Variants in CREB3L1 observed in about 807,000 individuals in gnomAD.
CREB3L1 encodes cyclic AMP-responsive element-binding protein 3-like protein 1.
CREB3L1 carries 33 observed loss-of-function variants against 54.5 expected under a neutral mutation model. The ratio of observed to expected loss-of-function variants is 0.61; its 90% confidence interval spans 0.46 to 0.81. The LOEUF (loss-of-function observed/expected upper bound fraction) is 0.81. Among genes scored for constraint, CREB3L1 ranks in the 30% least tolerant of loss-of-function variants. The probability of loss-of-function intolerance (pLI) is 0.00; values close to 1 mark genes in which losing one functional copy is unlikely to be tolerated. For synonymous variants in CREB3L1, 284 were observed against 286.4 expected (o/e 0.99, Z 0.08); for missense variants, 656 against 673.3 (o/e 0.97, Z 0.29).
intron 9 of CREB3L1, among the ~76,000 whole-genome samples, 156 bp from the exon 10 acceptor site, chr11:46,317,205 C>A (rs1365995967): frequency 1.3e-5 from 2 of 152,154 alleles, no homozygotes; most frequent in Non-Finnish European, 2.9e-5. Flanking sequence ...GATAGGAGAC[C>A]CCACATGTAG....
intron 1 of CREB3L1, among the ~76,000 whole-genome samples, chr11:46,284,454 C>T (rs1397692902): frequency 1.3e-5 from 2 of 152,004 alleles, no homozygotes; most frequent in African/African-American, 2.4e-5. Context: ...AGTTTGAGAC[C>T]AGCCTGACCA....
In CREB3L1 at chr11:46,279,383, G is replaced by A. The variant is rs1467322371; in HGVS notation, c.102+1170G>A. 2.6e-5 allele frequency among the ~76,000 whole-genome samples: 4 copies of A among 152,114 alleles called. No homozygotes were observed. The East Asian group carries it at 7.7e-4, about 29-fold the overall frequency. On this transcript the variant is annotated intron_variant, in intron 1 of 11. Coordinates refer to ENST00000621158, the MANE Select transcript of CREB3L1 (RefSeq NM_052854.4). ...GGAGCCGGAGTCAAGGAGGCATGGG[G>A]GCTGAGGTCTCCCTGTTCTCCATTA...
intron 2 of CREB3L1, among the ~76,000 whole-genome samples, chr11:46,304,839 G>A (rs1329070344): frequency 2.0e-5 from 3 of 152,082 alleles, no homozygotes; most frequent in Non-Finnish European, 4.4e-5. Flanking sequence ...TTACAGGCAT[G>A]AGCCACCACA....
intron 4 of CREB3L1, 73 bp from the exon 5 acceptor site, chr11:46,310,959 T>C (rs1336194126): frequency 6.8e-7 from 1 of 1,481,376 alleles, no homozygotes; most frequent in East Asian, 2.5e-5. Flanking sequence ...AAGCTCATGC[T>C]CAGCTGAACT....
chr11:46,307,149 A>T (rs1193971936), intron 2 of CREB3L1, among the ~76,000 whole-genome samples: 1 of 151,948 alleles, frequency 6.6e-6, no homozygotes, highest in Non-Finnish European at 1.5e-5. Context: ...AAAGAACTGG[A>T]GTACAGGCAT....
At chr11:46,289,928 C>T (rs1198322248) in intron 1 of CREB3L1, among the ~76,000 whole-genome samples, 1 of 152,168 alleles carries the variant, frequency 6.6e-6, no homozygotes, top group Non-Finnish European at 1.5e-5. Context: ...GGCCTGCGGT[C>T]CATCAGGCGG....
Position 46,295,172 on chromosome 11 carries a change from GAC to G in CREB3L1, c.103-4762_103-4761del. 6.6e-6 allele frequency: 1 copy of G among 152,542 alleles called. No individual in the cohort carries two copies. The highest frequency in any genetic ancestry group is 1.5e-5 in the Non-Finnish European group (1 of 68,358). 9.4% of individuals were successfully genotyped at this position (152,542 alleles called of 1,614,324 possible). A position where few individuals can be genotyped will look rare whatever the true frequency, so the allele number is the denominator to read the frequency against. On this transcript the variant is annotated intron_variant, in intron 1 of 11. Transcript: ENST00000621158. This position sits in a 1 kb window ranked among gnomAD's most constrained non-coding sequence, Gnocchi z 4.6. ...GTCAGGGAAACCATTCTCCTACACC[GAC>G]CCCAGCAGGCAGCTGCGCCCCCAGA...
intron 2 of CREB3L1, among the ~76,000 whole-genome samples, chr11:46,302,484 T>A (rs1281298311): frequency 6.6e-6 from 1 of 152,200 alleles, no homozygotes; most frequent in Non-Finnish European, 1.5e-5. Context: ...CCTGGCTCTG[T>A]CGCTTTTGGC....
chr11:46,304,011 G>GA (rs376715541), intron 2 of CREB3L1, among the ~76,000 whole-genome samples: 3 of 151,684 alleles, frequency 2.0e-5, no homozygotes, highest in East Asian at 1.9e-4. Flanking sequence ...GTCTCAAAAA[G>GA]AAAAAAAATA....
At chr11:46,309,896 G>A in intron 3 of CREB3L1, 93 bp from the exon 4 acceptor site, 1 of 1,002,796 alleles carries the variant, frequency 1.0e-6, no homozygotes, top group Non-Finnish European at 1.5e-6. Flanking sequence ...ACTGTGCAGG[G>A]CAGGCAACCA....
At chr11:46,286,813 A>T (rs1939061311) in intron 1 of CREB3L1, among the ~76,000 whole-genome samples, 1 of 152,072 alleles carries the variant, frequency 6.6e-6, no homozygotes, top group South Asian at 2.1e-4. Context: ...CAAAAAGAAA[A>T]AAGAAAAAGA....
rs375388950 is a variant in CREB3L1 at position 46,316,476 on chromosome 11, G to A, written c.1131+91G>A. 7.3e-5 allele frequency: 62 copies of A among 850,204 alleles called. No homozygotes were observed. The Admixed American group carries it at 7.7e-4, about 11-fold the overall frequency. 52.7% of individuals were successfully genotyped at this position (850,204 alleles called of 1,614,324 possible). A position where few individuals can be genotyped will look rare whatever the true frequency, so the allele number is the denominator to read the frequency against. Reference sequence around the variant, plus strand: ...AGGGTTGGGCAGAGCTTTAAGGATCGGTAACATCGTGGGCAGCGTCCCAGG... The same window carrying A: ...AGGGTTGGGCAGAGCTTTAAGGATCAGTAACATCGTGGGCAGCGTCCCAGG... On this transcript the variant is annotated intron_variant, in intron 9 of 11. Coordinates refer to ENST00000621158, the MANE Select transcript of CREB3L1 (RefSeq NM_052854.4).
intron 1 of CREB3L1, among the ~76,000 whole-genome samples, chr11:46,293,967 CTG>C (rs1229869603): frequency 6.6e-6 from 1 of 152,136 alleles, no homozygotes; most frequent in African/African-American, 2.4e-5. Flanking sequence ...CTATGTGACT[CTG>C]TGAGGGTATC....
In CREB3L1 at chr11:46,307,932, G is replaced by A. The variant is rs764982042; in HGVS notation, c.448G>A (p.Ala150Thr). 137 of 1,563,994 alleles carry A rather than the reference G, an allele frequency of 8.8e-5. No homozygotes were observed. Among genetic ancestry groups the A allele is most frequent in the African/African-American group, 1.6e-4 (12 of 73,340 alleles). The change falls in exon 3 of 12, where the codon GCG becomes ACG. Residue 150 changes from alanine to threonine, a missense_variant. This residue lies in a region of CREB3L1 where 339 missense variants were observed against 331.5 expected (regional missense o/e 1.02). Coordinates refer to ENST00000621158, the MANE Select transcript of CREB3L1 (RefSeq NM_052854.4). The stretch of plus-strand genomic sequence containing the variant: ...GGCTGCCCCCTCGGCCATGGCTGCC[G>A]CGGCCGCCATGGCCACCACCCCGCT... ...PLAAPSAMAAAAAMATTPLLG... is the reference protein window; with the variant it reads ...PLAAPSAMAATAAMATTPLLG...
intron 1 of CREB3L1, among the ~76,000 whole-genome samples, chr11:46,293,321 C>T (rs958764366): frequency 1.3e-5 from 2 of 152,220 alleles, no homozygotes; most frequent in African/African-American, 4.8e-5. Context: ...CGGCGGCACT[C>T]GCTGCCATCG....
chr11:46,279,374 A>T (rs1165684296), intron 1 of CREB3L1, among the ~76,000 whole-genome samples: 2 of 152,100 alleles, frequency 1.3e-5, no homozygotes, highest in Non-Finnish European at 2.9e-5. Flanking sequence ...GGAGTCAAGG[A>T]GGCATGGGGG....
At chr11:46,294,069 G>A (rs977805533) in intron 1 of CREB3L1, among the ~76,000 whole-genome samples, 1 of 152,162 alleles carries the variant, frequency 6.6e-6, no homozygotes, top group Non-Finnish European at 1.5e-5. Flanking sequence ...TGTCAGAGAG[G>A]TGGTGTTTCC....
chr11:46,282,662 A>AC (rs1039144939), intron 1 of CREB3L1, among the ~76,000 whole-genome samples: 4 of 151,668 alleles, frequency 2.6e-5, no homozygotes, highest in East Asian at 3.9e-4. Flanking sequence ...CTAAAGTGGG[A>AC]CCCCCCTGTT....
chr11:46,279,769 T>G (rs563668515), intron 1 of CREB3L1, among the ~76,000 whole-genome samples: 1 of 152,344 alleles, frequency 6.6e-6, no homozygotes, highest in African/African-American at 2.4e-5. Flanking sequence ...GCTCGGACCC[T>G]TGAAGTCAAG....
Sources: allele counts gnomAD v4.1 joint callset (sites outside exome capture counted in the v4.1 genomes callset), GRCh38; gene constraint gnomAD v4.1.1; regional missense constraint gnomAD v4.1.1; non-coding constraint Gnocchi (gnomAD v3.1); transcripts MANE v1.5; gene names NCBI Gene and HGNC (gene_info 2026-07-23, HGNC 2026-07-21).